The following GLCE variants were observed in gnomAD, a reference collection of about 807,000 sequenced individuals.
GLCE encodes the protein D-glucuronyl C5-epimerase.
In GLCE, 19 loss-of-function variants were observed where a neutral mutation model predicts 47.9. That is an observed-to-expected ratio of 0.40 (90% CI 0.28 to 0.58). The LOEUF (loss-of-function observed/expected upper bound fraction) is 0.58. Ranked by LOEUF, GLCE falls within the 20% of genes least tolerant of loss-of-function variation. GLCE has a pLI of 0.48. For synonymous variants in GLCE, 245 were observed against 263.4 expected (o/e 0.93, Z 0.68); for missense variants, 556 against 743.3 (o/e 0.75, Z 2.93).
intron 1 of GLCE, among the ~76,000 whole-genome samples, chr15:69,192,678 T>C (rs1398849399): frequency 3.3e-5 from 5 of 152,142 alleles, no homozygotes; most frequent in African/African-American, 1.2e-4. Context: ...AGTTTTTTTC[T>C]AGTATGCCAC....
chr15:69,237,837 A>T (rs1344773379), intron 2 of GLCE, among the ~76,000 whole-genome samples: 2 of 152,200 alleles, frequency 1.3e-5, no homozygotes, highest in African/African-American at 4.8e-5. Context: ...CAGAGTAAAC[A>T]CATCATTAAG....
chr15:69,176,195 A>G (rs1370026195), intron 1 of GLCE, among the ~76,000 whole-genome samples: 3 of 135,244 alleles, frequency 2.2e-5, no homozygotes, highest in African/African-American at 8.0e-5. Context: ...TTTGTGATCT[A>G]GTAGTTTTCA....
chr15:69,163,105 T>A (rs949087777), intron 1 of GLCE, among the ~76,000 whole-genome samples: 4 of 152,254 alleles, frequency 2.6e-5, no homozygotes, highest in African/African-American at 9.6e-5. Flanking sequence ...CACAACTGAT[T>A]GCTTGAGCAG....
intron 1 of GLCE, among the ~76,000 whole-genome samples, chr15:69,179,103 A>C (rs1361023412): frequency 1.8e-4 from 28 of 152,224 alleles, no homozygotes; most frequent in Admixed American, 1.8e-3. Flanking sequence ...ATTTTGCTTC[A>C]AAATGCATAG....
rs1481557424 is a variant in GLCE, at chr15:69,270,262, C to G, written c.*1018C>G. On this transcript the variant is annotated 3_prime_UTR_variant, in exon 5 of 5. Coordinates refer to ENST00000261858, the MANE Select transcript of GLCE (RefSeq NM_015554.3). ...TCATAGCAAAGTTTTTTTTTCCTAC[C>G]AAGATCATTCTTGATCATCAGCTTC... is the stretch of plus-strand genomic sequence containing the variant. The G allele has an allele frequency of 6.6e-6, 1 of 151,696 alleles. No individual in the cohort carries two copies. The highest frequency in any genetic ancestry group is 2.4e-5 in the African/African-American group (1 of 41,318). 9.4% of individuals were successfully genotyped at this position (151,696 alleles called of 1,614,324 possible). A position where few individuals can be genotyped will look rare whatever the true frequency, so the allele number is the denominator to read the frequency against.
intron 2 of GLCE, among the ~76,000 whole-genome samples, chr15:69,236,989 A>C (rs533172635): frequency 2.0e-5 from 3 of 152,278 alleles, no homozygotes; most frequent in Non-Finnish European, 4.4e-5. Context: ...CCATTCTGTT[A>C]ACTATTAATT....
Position 69,198,667 on chromosome 15 carries a change from A to C in GLCE, c.-104-11649A>C, listed in dbSNP as rs190021992. On this transcript the variant is annotated intron_variant, in intron 1 of 4. Transcript: ENST00000261858. ...AGAGAGTGCTAGCAAGAAGCACATC[A>C]CAATTTTTATAACCTAATCACAGAA... Among the ~76,000 whole-genome samples the C allele has an allele frequency of 2.0e-5, 3 of 152,290 alleles. No individual in the cohort carries two copies. The East Asian group carries it at 5.8e-4, about 29-fold the overall frequency.
At chr15:69,209,315 G>C (rs1052301651) in intron 1 of GLCE, among the ~76,000 whole-genome samples, 1 of 151,930 alleles carries the variant, frequency 6.6e-6, no homozygotes, top group African/African-American at 2.4e-5. Flanking sequence ...TGTATACCTA[G>C]TAATTTTGGA....
chr15:69,244,445 A>C (rs944334784), intron 2 of GLCE, among the ~76,000 whole-genome samples: 1 of 152,240 alleles, frequency 6.6e-6, no homozygotes, highest in African/African-American at 2.4e-5. Context: ...TGGTAAAATT[A>C]AACTTTAACC....
chr15:69,207,176 G>A (rs1595755114), intron 1 of GLCE, among the ~76,000 whole-genome samples: 1 of 152,040 alleles, frequency 6.6e-6, no homozygotes, highest in East Asian at 1.9e-4. Flanking sequence ...GTTGGGTTAT[G>A]CCATTCATTT....
chr15:69,221,496 C>G (rs1207264882), intron 2 of GLCE, among the ~76,000 whole-genome samples: 1 of 151,900 alleles, frequency 6.6e-6, no homozygotes, highest in Admixed American at 6.6e-5. Flanking sequence ...CTTTTTGATG[C>G]TATAATAAAT....
chr15:69,213,491 ACAGAATAC>A (rs905522048), intron 2 of GLCE, among the ~76,000 whole-genome samples: 1 of 152,122 alleles, frequency 6.6e-6, no homozygotes, highest in African/African-American at 2.4e-5. Flanking sequence ...AGATTTTGAG[ACAGAATAC>A]CACGGAGGTG....
intron 2 of GLCE, among the ~76,000 whole-genome samples, chr15:69,244,058 C>T (rs2052714042): frequency 6.6e-6 from 1 of 152,182 alleles, no homozygotes; most frequent in Admixed American, 6.5e-5. Context: ...TTCAAAGCCT[C>T]ACATTAACAT....
chr15:69,176,174 A>C (rs1323619187), intron 1 of GLCE, among the ~76,000 whole-genome samples: 1 of 149,008 alleles, frequency 6.7e-6, no homozygotes, highest in South Asian at 2.1e-4. Context: ...AAAGTCTAAA[A>C]GGAGTTAAAT....
intron 2 of GLCE, among the ~76,000 whole-genome samples, chr15:69,230,418 A>G (rs1189146511): frequency 4.6e-5 from 7 of 152,164 alleles, no homozygotes; most frequent in African/African-American, 1.2e-4. Flanking sequence ...ATAATGGAGC[A>G]TTAAAATAGA....
chr15:69,223,186 T>C (rs758256384), intron 2 of GLCE, among the ~76,000 whole-genome samples: 1 of 152,228 alleles, frequency 6.6e-6, no homozygotes, highest in Non-Finnish European at 1.5e-5. Flanking sequence ...TTATTTCTGG[T>C]GTTCTTTCAT....
intron 1 of GLCE, among the ~76,000 whole-genome samples, chr15:69,174,023 A>G (rs1439575184): frequency 6.6e-6 from 1 of 151,492 alleles, no homozygotes; most frequent in Admixed American, 6.6e-5. Flanking sequence ...ACACCCAGCT[A>G]ATTTTTGTAT....
intron 1 of GLCE, among the ~76,000 whole-genome samples, chr15:69,209,409 A>C (rs1159748605): frequency 6.6e-6 from 1 of 151,188 alleles, no homozygotes; most frequent in African/African-American, 2.5e-5. Context: ...TATTTGTTTT[A>C]GTAGACAGTC....
At chr15:69,236,734 T>C (rs1370674142) in intron 2 of GLCE, among the ~76,000 whole-genome samples, 3 of 152,200 alleles carry the variant, frequency 2.0e-5, no homozygotes, top group Non-Finnish European at 4.4e-5. Context: ...GTACTAGTGC[T>C]AGTGTACTAA....
Sources: gnomAD v4.1 joint callset for allele counts (sites outside exome capture counted in the v4.1 genomes callset) on GRCh38, gnomAD v4.1.1 for gene constraint, MANE v1.5 for transcripts, NCBI Gene and HGNC (gene_info 2026-07-23, HGNC 2026-07-21) for gene names.